Variants in FMNL2 observed in about 807,000 individuals in gnomAD.
The protein encoded by FMNL2 is formin-like protein 2.
In FMNL2, 51 loss-of-function variants were observed where a neutral mutation model predicts 130.2. The ratio of observed to expected loss-of-function variants is 0.39; its 90% CI spans 0.31 to 0.49. The LOEUF (loss-of-function observed/expected upper bound fraction) is 0.49, where lower values mean the gene tolerates loss of function less well. FMNL2 is among the 20% of genes least tolerant of loss of function. The pLI is 0.85. For synonymous variants in FMNL2, 465 were observed against 467.1 expected (o/e 1.00, Z 0.06); for missense variants, 977 against 1,316.2 (o/e 0.74, Z 3.99).
intron 1 of FMNL2, among the ~76,000 whole-genome samples, chr2:152,477,005 A>C (rs1445658660): frequency 2.0e-5 from 3 of 152,292 alleles, no homozygotes; most frequent in Middle Eastern, 3.4e-3. Context: ...TATCGTCTCA[A>C]GCTTCAAAGC....
chr2:152,491,347 C>G (rs1280232289), intron 1 of FMNL2, among the ~76,000 whole-genome samples: 2 of 152,052 alleles, frequency 1.3e-5, no homozygotes, highest in Non-Finnish European at 2.9e-5. Flanking sequence ...AGTGGAAGCT[C>G]TGGGGTTGCC....
chr2:152,493,840 T>G (rs1307799218), intron 1 of FMNL2, among the ~76,000 whole-genome samples: 1 of 152,160 alleles, frequency 6.6e-6, no homozygotes, highest in Admixed American at 6.5e-5. Flanking sequence ...GGGTATCCCT[T>G]TATAGCAACA....
intron 3 of FMNL2, among the ~76,000 whole-genome samples, chr2:152,546,183 T>C (rs1694621589): frequency 1.3e-5 from 2 of 152,188 alleles, no homozygotes; most frequent in African/African-American, 4.8e-5. Context: ...CATTAGGGGC[T>C]GGGTGTTAGT....
At chr2:152,530,091 A>C (rs2105439026) in intron 2 of FMNL2, among the ~76,000 whole-genome samples, 1 of 152,276 alleles carries the variant, frequency 6.6e-6, no homozygotes, top group Non-Finnish European at 1.5e-5. Context: ...AAAATGACTT[A>C]ATTGCCTGAG....
intron 1 of FMNL2, chr2:152,390,055 G>C: frequency 6.3e-7 from 1 of 1,582,100 alleles, no homozygotes; most frequent in East Asian, 2.2e-5. Context: ...AAGAACGGCA[G>C]CCTTGACTCC....
chr2:152,606,881 A>G (rs1398074882), intron 9 of FMNL2, among the ~76,000 whole-genome samples: 2 of 151,274 alleles, frequency 1.3e-5, no homozygotes, highest in African/African-American at 2.4e-5. Context: ...ATGCACTGAG[A>G]TTTTTTGATT....
chr2:152,460,361 GAAGAAAGTT>G (rs1253597783), intron 1 of FMNL2, among the ~76,000 whole-genome samples: 2 of 152,186 alleles, frequency 1.3e-5, no homozygotes, highest in African/African-American at 4.8e-5. Context: ...ATAAAAGACT[GAAGAAAGTT>G]ATCATCCAAG....
intron 1 of FMNL2, among the ~76,000 whole-genome samples, chr2:152,489,465 C>G (rs2105274498): frequency 6.6e-6 from 1 of 152,276 alleles, no homozygotes; most frequent in Admixed American, 6.5e-5. Flanking sequence ...CTACCTGTAC[C>G]AGTAAGATGG....
chr2:152,615,655 T>G (rs1698909400), intron 12 of FMNL2, among the ~76,000 whole-genome samples: 1 of 152,224 alleles, frequency 6.6e-6, no homozygotes. Flanking sequence ...ATTTGTTCAT[T>G]CATTAACCAC....
intron 1 of FMNL2, among the ~76,000 whole-genome samples, chr2:152,401,704 T>G (rs1020414449): frequency 1.3e-5 from 2 of 152,098 alleles, no homozygotes; most frequent in African/African-American, 4.8e-5. Flanking sequence ...CTTTTTTCCA[T>G]TTCTTAGAGT....
chr2:152,399,010 T>C (rs2105954613), intron 1 of FMNL2, among the ~76,000 whole-genome samples: 1 of 152,314 alleles, frequency 6.6e-6, no homozygotes, highest in South Asian at 2.1e-4. Context: ...GAGAAGAATG[T>C]GGTGGCCACG....
intron 1 of FMNL2, among the ~76,000 whole-genome samples, chr2:152,394,112 T>A (rs1468894529): frequency 6.6e-6 from 1 of 152,176 alleles, no homozygotes; most frequent in Non-Finnish European, 1.5e-5. Flanking sequence ...TTTAGATAAA[T>A]TTTTTAGGCC....
At chr2:152,540,959 T>C (rs1694280406) in intron 2 of FMNL2, among the ~76,000 whole-genome samples, 1 of 152,206 alleles carries the variant, frequency 6.6e-6, no homozygotes, top group Non-Finnish European at 1.5e-5. Context: ...TGTGGTTCCC[T>C]GTGTTGGAGA....
At chr2:152,389,957 C>G in intron 1 of FMNL2, 3 of 1,305,072 alleles carry the variant, frequency 2.3e-6, no homozygotes, top group Non-Finnish European at 3.3e-6. Flanking sequence ...TCAGAGACCT[C>G]GGGGCCCCAG....
At chr2:152,465,057 G>A (rs1689450166) in intron 1 of FMNL2, among the ~76,000 whole-genome samples, 1 of 152,162 alleles carries the variant, frequency 6.6e-6, no homozygotes, top group Non-Finnish European at 1.5e-5. Flanking sequence ...TAATACAGTG[G>A]GATCAGTACT....
At chr2:152,369,095 T>C (rs1445058795) in intron 1 of FMNL2, among the ~76,000 whole-genome samples, 1 of 152,252 alleles carries the variant, frequency 6.6e-6, no homozygotes, top group Non-Finnish European at 1.5e-5. Flanking sequence ...AGTCTGAGTG[T>C]AGGATCTTCT....
At chr2:152,627,985 C>T (rs1559022857) in intron 17 of FMNL2, among the ~76,000 whole-genome samples, 1 of 152,192 alleles carries the variant, frequency 6.6e-6, no homozygotes, top group Non-Finnish European at 1.5e-5. Flanking sequence ...CTTGGTTCTA[C>T]CTCTTCCTAT....
At chr2:152,551,166 C>A (rs980564171) in intron 4 of FMNL2, among the ~76,000 whole-genome samples, 6 of 148,096 alleles carry the variant, frequency 4.1e-5, no homozygotes, top group African/African-American at 1.5e-4. Context: ...AAAAGCATTT[C>A]TTTAAGCATT....
chr2:152,556,755 G>A (rs1055916171), intron 4 of FMNL2, among the ~76,000 whole-genome samples: 1 of 152,136 alleles, frequency 6.6e-6, no homozygotes, highest in African/African-American at 2.4e-5. Context: ...GCACTCTACA[G>A]AGGCTGCATC....
Sources: allele counts gnomAD v4.1 joint callset (sites outside exome capture counted in the v4.1 genomes callset), GRCh38; gene constraint gnomAD v4.1.1; transcripts MANE v1.5; gene names NCBI Gene and HGNC (gene_info 2026-07-23, HGNC 2026-07-21).